The following DACH2 variants were observed in gnomAD, a reference collection of about 807,000 sequenced individuals.
DACH2 encodes dachshund family transcription factor 2.
Under a neutral mutation model 35.8 loss-of-function variants are expected in DACH2, and 17 were observed. The observed-to-expected ratio is 0.48, with a 90% confidence interval of 0.33 to 0.71. DACH2 has a LOEUF of 0.71. Among genes scored for constraint, DACH2 ranks in the 30% least tolerant of loss-of-function variants. The probability of loss-of-function intolerance (pLI) is 0.02; values close to 1 mark genes in which losing one functional copy is unlikely to be tolerated. For missense variants in DACH2, 469 were observed against 472.7 expected, an observed-to-expected ratio of 0.99 and a Z score of 0.07; for synonymous variants, 195 against 177.3, an observed-to-expected ratio of 1.10 and a Z score of -0.79.
intron 2 of DACH2, among the ~76,000 whole-genome samples, chrX:86,386,753 C>A (rs1236299191): frequency 9.0e-6 from 1 of 111,319 alleles, no homozygotes; most frequent in Non-Finnish European, 1.9e-5. Context: ...TCCTTACTTT[C>A]TTGCACTGGA....
intron 7 of DACH2, among the ~76,000 whole-genome samples, chrX:86,785,269 T>C (rs2042126146): frequency 9.0e-6 from 1 of 111,574 alleles, no homozygotes; most frequent in South Asian, 3.7e-4. Context: ...GTCTGAAATC[T>C]AGGAGAGAGG....
chrX:86,263,320 A>G (rs2033659927), intron 1 of DACH2, among the ~76,000 whole-genome samples: 1 of 111,748 alleles, frequency 8.9e-6, no homozygotes, highest in Non-Finnish European at 1.9e-5. Context: ...AAACGGCATT[A>G]GAAGAATAGC....
intron 7 of DACH2, among the ~76,000 whole-genome samples, chrX:86,775,025 C>T (rs73228644): frequency 9.0e-6 from 1 of 111,214 alleles, no homozygotes; most frequent in Non-Finnish European, 1.9e-5. Flanking sequence ...AAAGACAGGG[C>T]CCTCACTATA....
At chrX:86,561,946 C>A (rs2039225256) in intron 3 of DACH2, among the ~76,000 whole-genome samples, 1 of 98,163 alleles carries the variant, frequency 1.0e-5, no homozygotes, top group African/African-American at 3.8e-5. Context: ...ATTCAGGATG[C>A]CAAATCAATA....
At chrX:86,718,913 A>T (rs1379369556) in intron 6 of DACH2, among the ~76,000 whole-genome samples, 1 of 112,025 alleles carries the variant, frequency 8.9e-6, no homozygotes, top group African/African-American at 3.2e-5. Context: ...AGGTAATGAG[A>T]TGCCTCCAGC....
chrX:86,718,909 T>G (rs1354537741), intron 6 of DACH2, among the ~76,000 whole-genome samples: 1 of 112,121 alleles, frequency 8.9e-6, no homozygotes, highest in Non-Finnish European at 1.9e-5. Flanking sequence ...AGTCAGGTAA[T>G]GAGATGCCTC....
At chrX:86,200,777 C>A (rs1375556024) in intron 1 of DACH2, among the ~76,000 whole-genome samples, 1 of 110,091 alleles carries the variant, frequency 9.1e-6, no homozygotes, top group Non-Finnish European at 1.9e-5. Context: ...ATGAAAAAGT[C>A]AAAAAAATAA....
At chrX:86,500,334 G>T (rs2038232615) in intron 2 of DACH2, among the ~76,000 whole-genome samples, 1 of 111,588 alleles carries the variant, frequency 9.0e-6, no homozygotes, top group African/African-American at 3.3e-5. Flanking sequence ...AAACAAAAGA[G>T]AAGGAATTTC....
chrX:86,394,185 T>C (rs1281774700), intron 2 of DACH2, among the ~76,000 whole-genome samples: 7 of 110,101 alleles, frequency 6.4e-5, no homozygotes, highest in Non-Finnish European at 1.1e-4. Flanking sequence ...GTTTACGTTA[T>C]GATCCCTGTT....
intron 3 of DACH2, among the ~76,000 whole-genome samples, chrX:86,564,793 G>A (rs2039273734): frequency 1.8e-5 from 2 of 111,621 alleles, no homozygotes. Flanking sequence ...CTTCTAGAAA[G>A]CAGGTGTGGC....
At chrX:86,469,671 C>T (rs960676435) in intron 2 of DACH2, among the ~76,000 whole-genome samples, 3 of 110,437 alleles carry the variant, frequency 2.7e-5, no homozygotes, top group African/African-American at 9.8e-5. Context: ...CCAAATATAA[C>T]GCTGTTGGTA....
At chrX:86,427,945 A>T (rs944709366) in intron 2 of DACH2, among the ~76,000 whole-genome samples, 1 of 111,832 alleles carries the variant, frequency 8.9e-6, no homozygotes, top group African/African-American at 3.2e-5. Flanking sequence ...GTAGTTCTTT[A>T]ATTTCAGAAA....
rs2033312387 is a variant in DACH2, at chrX:86,247,610, T to C, written c.488+98502T>C. 1.8e-5 allele frequency among the ~76,000 whole-genome samples: 2 copies of C among 111,158 alleles called. 1 individual carries two copies. Among genetic ancestry groups the C allele is most frequent in the South Asian group, 7.6e-4 (2 of 2,648 alleles). The stretch of plus-strand genomic sequence containing the variant: ...GACTTATAATTTATGAGTTCCAAAA[T>C]TGAATCAATAATCTATGTTCATAGA... On this transcript the variant is annotated intron_variant, in intron 1 of 11. Transcript: ENST00000373125.
At chrX:86,772,748 T>C (rs895525689) in intron 7 of DACH2, among the ~76,000 whole-genome samples, 2 of 111,314 alleles carry the variant, frequency 1.8e-5, no homozygotes, top group African/African-American at 6.5e-5. Flanking sequence ...ATAGAACTAG[T>C]GTTCCAAAGC....
chrX:86,357,179 A>C (rs1055201768), intron 1 of DACH2, among the ~76,000 whole-genome samples: 1 of 112,528 alleles, frequency 8.9e-6, no homozygotes. Flanking sequence ...TGTTAGAAAC[A>C]CAACCAACTA....
At chrX:86,483,341 A>G (rs1180810012) in intron 2 of DACH2, among the ~76,000 whole-genome samples, 1 of 110,781 alleles carries the variant, frequency 9.0e-6, no homozygotes, top group East Asian at 2.8e-4. Flanking sequence ...GAGATAGCTT[A>G]CCTCATTATA....
At chrX:86,591,541 A>ATTTTTTTTTT (rs566345938) in intron 3 of DACH2, among the ~76,000 whole-genome samples, 2 of 93,227 alleles carry the variant, frequency 2.1e-5, no homozygotes, top group Non-Finnish European at 2.1e-5. Flanking sequence ...TTCTTTGGCT[A>ATTTTTTTTTT]TTTTTTTTTT....
At chrX:86,759,825 T>C (rs1324087213) in intron 7 of DACH2, among the ~76,000 whole-genome samples, 1 of 111,905 alleles carries the variant, frequency 8.9e-6, no homozygotes, top group African/African-American at 3.2e-5. Context: ...TAGTTTTGTG[T>C]GTTTTCATAA....
At chrX:86,424,762 C>G (rs754835966) in intron 2 of DACH2, among the ~76,000 whole-genome samples, 2 of 111,331 alleles carry the variant, frequency 1.8e-5, no homozygotes, top group South Asian at 7.5e-4. Flanking sequence ...TGTTCCAGAG[C>G]TTCGAGAAAA....
Sources: gnomAD v4.1 joint callset for allele counts (sites outside exome capture counted in the v4.1 genomes callset) on GRCh38, gnomAD v4.1.1 for gene constraint, MANE v1.5 for transcripts, NCBI Gene and HGNC (gene_info 2026-07-23, HGNC 2026-07-21) for gene names.